The following GPC5 variants were observed in gnomAD, a reference collection of about 807,000 sequenced individuals.
The protein encoded by GPC5 is glypican-5.
In GPC5, 47 loss-of-function variants were observed where a neutral mutation model predicts 53.9. That is an observed-to-expected ratio of 0.87 (90% confidence interval 0.69 to 1.11). GPC5 has a LOEUF of 1.11. Among genes scored for constraint, GPC5 ranks in the 50% most tolerant of loss-of-function variants. The probability of loss-of-function intolerance (pLI) is 0.00; values close to 1 mark genes in which losing one functional copy is unlikely to be tolerated. For missense variants in GPC5, 748 were observed against 713.1 expected, an observed-to-expected ratio of 1.05 and a Z score of -0.56; for synonymous variants, 286 against 263.3, an observed-to-expected ratio of 1.09 and a Z score of -0.84.
intron 2 of GPC5, among the ~76,000 whole-genome samples, chr13:91,584,661 C>T (rs1222977926): frequency 6.6e-6 from 1 of 152,052 alleles, no homozygotes; most frequent in East Asian, 1.9e-4. Flanking sequence ...TCACTGTAAC[C>T]TCCACCTCCT....
chr13:92,179,600 G>A (rs2042132050), intron 7 of GPC5, among the ~76,000 whole-genome samples: 1 of 152,166 alleles, frequency 6.6e-6, no homozygotes. Flanking sequence ...CAATGAGTAG[G>A]CATAGCACTT....
chr13:91,775,267 A>T (rs2037692117), intron 5 of GPC5, among the ~76,000 whole-genome samples: 1 of 152,102 alleles, frequency 6.6e-6, no homozygotes, highest in Non-Finnish European at 1.5e-5. Context: ...TCTATATAAT[A>T]TTTGTGATAT....
intron 7 of GPC5, among the ~76,000 whole-genome samples, chr13:92,757,613 A>G (rs1184444270): frequency 2.0e-5 from 3 of 152,204 alleles, no homozygotes; most frequent in Non-Finnish European, 4.4e-5. Flanking sequence ...AGAATCTACA[A>G]TGAACTTAAA....
At position 92,521,386 on chromosome 13, in the gene GPC5, G is replaced by A. The variant is rs191710924; in HGVS notation, c.1562-344896G>A. The stretch of plus-strand genomic sequence containing the variant: ...ACCTGACTTCAAACTACACTACAAG[G>A]CTACAGTAACCGAAACAGCATGGTA... On this transcript the variant is annotated intron_variant, in intron 7 of 7. Coordinates refer to ENST00000377067, the MANE Select transcript of GPC5 (RefSeq NM_004466.6). 2.4e-4 allele frequency among the ~76,000 whole-genome samples: 36 copies of A among 152,284 alleles called. No individual in the cohort carries two copies. In the East Asian group the frequency reaches 5.8e-3, roughly 24 times the overall value.
At chr13:91,927,743 A>G (rs2039782657) in intron 6 of GPC5, among the ~76,000 whole-genome samples, 1 of 152,206 alleles carries the variant, frequency 6.6e-6, no homozygotes, top group Non-Finnish European at 1.5e-5. Flanking sequence ...TGTTCAAGTG[A>G]ACAGGCTATT....
intron 5 of GPC5, among the ~76,000 whole-genome samples, chr13:91,760,218 A>T (rs749497074): frequency 2.6e-5 from 4 of 152,190 alleles, no homozygotes; most frequent in Non-Finnish European, 5.9e-5. Flanking sequence ...AGTTTTGTCA[A>T]AGAGTTAATA....
At chr13:92,289,039 T>C (rs1055465820) in intron 7 of GPC5, among the ~76,000 whole-genome samples, 2 of 152,070 alleles carry the variant, frequency 1.3e-5, no homozygotes. Context: ...CTCCATGTTT[T>C]CTTGCTTTTA....
chr13:91,661,007 A>G (rs564269074), intron 2 of GPC5, among the ~76,000 whole-genome samples: 45 of 152,280 alleles, frequency 3.0e-4, no homozygotes, highest in Admixed American at 2.4e-3. Flanking sequence ...TGAGAAAAAA[A>G]TATAAAAGAA....
intron 6 of GPC5, among the ~76,000 whole-genome samples, chr13:92,131,133 A>C (rs1318023393): frequency 6.6e-6 from 1 of 151,990 alleles, no homozygotes; most frequent in African/African-American, 2.4e-5. Context: ...ACGGCCTTAA[A>C]CACCACTATA....
intron 2 of GPC5, among the ~76,000 whole-genome samples, chr13:91,633,490 C>G (rs906738848): frequency 2.6e-5 from 4 of 152,090 alleles, no homozygotes; most frequent in Non-Finnish European, 4.4e-5. Flanking sequence ...ATGTTCTATT[C>G]ACTCTGCCAA....
chr13:91,887,073 C>A (rs1198539708), intron 5 of GPC5, among the ~76,000 whole-genome samples: 1 of 152,176 alleles, frequency 6.6e-6, no homozygotes, highest in Non-Finnish European at 1.5e-5. Context: ...CTGTGCCCCC[C>A]AACAGCAAAC....
chr13:92,576,456 G>A (rs1883192432), intron 7 of GPC5, among the ~76,000 whole-genome samples: 1 of 152,178 alleles, frequency 6.6e-6, no homozygotes, highest in African/African-American at 2.4e-5. Context: ...CCCTGTACAT[G>A]CATCAAGTTT....
chr13:92,500,882 G>A (rs1473349035), intron 7 of GPC5, among the ~76,000 whole-genome samples: 1 of 152,140 alleles, frequency 6.6e-6, no homozygotes, highest in East Asian at 1.9e-4. Flanking sequence ...ACCAAAAAAG[G>A]GAAGACCAGA....
At chr13:91,462,665 G>T (rs1351868050) in intron 2 of GPC5, among the ~76,000 whole-genome samples, 3 of 111,568 alleles carry the variant, frequency 2.7e-5, no homozygotes, top group Admixed American at 2.6e-4. Context: ...AAAGTCTCTG[G>T]AAAGTATAAT....
chr13:92,801,167 C>T (rs1876890604), intron 7 of GPC5, among the ~76,000 whole-genome samples: 1 of 151,390 alleles, frequency 6.6e-6, no homozygotes, highest in South Asian at 2.1e-4. Context: ...CAACCCATGA[C>T]TATGTGAACA....
At chr13:91,643,327 C>G (rs116546884) in intron 2 of GPC5, among the ~76,000 whole-genome samples, 55 of 152,190 alleles carry the variant, frequency 3.6e-4, no homozygotes, top group East Asian at 3.9e-4. Context: ...AAGATGTAGT[C>G]AAAGACTAGA....
At chr13:92,824,916 A>C (rs1250113326) in intron 7 of GPC5, among the ~76,000 whole-genome samples, 1 of 152,118 alleles carries the variant, frequency 6.6e-6, no homozygotes, top group East Asian at 1.9e-4. Context: ...AAAGCAAGGA[A>C]ATTTTCTGAA....
chr13:92,793,039 T>C (rs969653949), intron 7 of GPC5, among the ~76,000 whole-genome samples: 4 of 152,192 alleles, frequency 2.6e-5, no homozygotes, highest in Non-Finnish European at 4.4e-5. Context: ...GCTGACCTAA[T>C]AGACATCTAC....
chr13:91,720,298 G>A (rs9523398), intron 3 of GPC5, among the ~76,000 whole-genome samples: 35,915 of 152,046 alleles, frequency 0.24, 4,502 homozygotes, highest in East Asian at 0.34. Context: ...CACTTTCCAC[G>A]AATCACTGAT....
Sources: gnomAD v4.1 joint callset for allele counts (sites outside exome capture counted in the v4.1 genomes callset) on GRCh38, gnomAD v4.1.1 for gene constraint, MANE v1.5 for transcripts, NCBI Gene and HGNC (gene_info 2026-07-23, HGNC 2026-07-21) for gene names.